RERE: variants seen among roughly 807,000 people sequenced by gnomAD.
The protein encoded by RERE is arginine-glutamic acid dipeptide repeats protein.
Under a neutral mutation model 146.1 loss-of-function variants are expected in RERE, and 40 were observed. The observed-to-expected ratio is 0.27, with a 90% CI of 0.21 to 0.36. The LOEUF (loss-of-function observed/expected upper bound fraction) is 0.36. RERE is among the 10% of genes least tolerant of loss of function. The pLI, the probability that RERE is intolerant of heterozygous loss-of-function variation, is 1.00. For missense variants in RERE, 1,933 were observed against 2,138.7 expected, an observed-to-expected ratio of 0.90 and a Z score of 1.90; for synonymous variants, 1,003 against 866.0, an observed-to-expected ratio of 1.16 and a Z score of -2.78.
At chr1:8,800,887 T>C (rs2124590065) in intron 1 of RERE, among the ~76,000 whole-genome samples, 1 of 152,054 alleles carries the variant, frequency 6.6e-6, no homozygotes, top group Non-Finnish European at 1.5e-5. Context: ...ACCACTTGAA[T>C]TTGGGAGCCG....
intron 1 of RERE, among the ~76,000 whole-genome samples, chr1:8,720,847 G>A (rs1348807875): frequency 6.6e-6 from 1 of 152,198 alleles, no homozygotes; most frequent in African/African-American, 2.4e-5. Flanking sequence ...CTTGAGGTCA[G>A]GAGTTTGAGA....
At chr1:8,504,663 C>G (rs1369701732) in intron 8 of RERE, among the ~76,000 whole-genome samples, 1 of 152,058 alleles carries the variant, frequency 6.6e-6, no homozygotes, top group Non-Finnish European at 1.5e-5. Context: ...ATCAGCCTGG[C>G]CAACATAGTG....
In RERE at chr1:8,364,212, A is replaced by G. The variant is rs753317741; in HGVS notation, c.1584T>C (p.Leu528=). ...WHHGGRENIL[L]CTDCRIHFKK... ...TGAAGTGGATGCGACAGTCGGTGCA[A>G]AGCAGGATGTTCTCCCGGCCTCCGT... Residue 528 remains leucine, a synonymous_variant, in exon 15 of 23, where the codon CTT becomes CTC. Transcript: ENST00000400908. The surrounding 1 kb of genome is among the most constrained non-coding windows in gnomAD (Gnocchi z 5.1). The G allele has an allele frequency of 6.2e-7, 1 of 1,614,108 alleles. No homozygotes were observed. The highest frequency in any genetic ancestry group is 1.1e-5 in the South Asian group (1 of 91,080).
intron 11 of RERE, among the ~76,000 whole-genome samples, chr1:8,440,387 C>A (rs1040472720): frequency 1.4e-5 from 2 of 145,734 alleles, no homozygotes; most frequent in Non-Finnish European, 3.0e-5. Flanking sequence ...GTTAGGAGAT[C>A]GAGACCATCC....
Position 8,419,560 on chromosome 1 carries a change from A to G in RERE, c.1284+3167T>C, listed in dbSNP as rs571177339. ...AGGTAACTTATTTTTATACAGGCTC[A>G]GTATATTTACAAGCAGAAAGGAATT... is the stretch of plus-strand genomic sequence containing the variant. On this transcript the variant is annotated intron_variant, in intron 12 of 22. Coordinates refer to ENST00000400908, the MANE Select transcript of RERE (RefSeq NM_001042681.2). Among the ~76,000 whole-genome samples, 18 of 152,362 alleles carry G rather than the reference A, an allele frequency of 1.2e-4. No individual in the cohort carries two copies. The East Asian group carries it at 2.9e-3, about 24-fold the overall frequency.
intron 7 of RERE, among the ~76,000 whole-genome samples, chr1:8,523,461 T>A (rs920061959): frequency 1.3e-5 from 2 of 152,166 alleles, no homozygotes; most frequent in African/African-American, 4.8e-5. Flanking sequence ...AGCAGAACCA[T>A]AAGCCAAAAT....
chr1:8,796,389 C>T (rs1641473712), intron 1 of RERE, among the ~76,000 whole-genome samples: 2 of 152,016 alleles, frequency 1.3e-5, no homozygotes, highest in African/African-American at 4.8e-5. Flanking sequence ...TTCAATCTCC[C>T]TATGAAAAGC....
At position 8,362,772 on chromosome 1, in the gene RERE, C is replaced by G; in HGVS notation, c.1813G>C (p.Asp605His). 1 of 1,614,160 alleles carries G rather than the reference C, an allele frequency of 6.2e-7. No individual in the cohort carries two copies. ...PDGRTSPINE[D>H]IRSSGRNSPS... ...GAGTTCCGGCCGCTGGAGCGGATGTCTTCATTGATGGGTGAGGTGCGACCA... is the reference window on the plus strand; with the variant it reads ...GAGTTCCGGCCGCTGGAGCGGATGTGTTCATTGATGGGTGAGGTGCGACCA... The change falls in exon 16 of 23, where the codon GAC becomes CAC. Residue 605 changes from aspartate (D) to histidine (H), a missense_variant. By Grantham distance (81) the Asp-to-His change is moderately conservative (BLOSUM62 -1). This residue lies in a region of RERE where 1,255 missense variants were observed against 1,153.8 expected (regional missense o/e 1.09). Coordinates refer to ENST00000400908, the MANE Select transcript of RERE (RefSeq NM_001042681.2).
intron 1 of RERE, among the ~76,000 whole-genome samples, chr1:8,774,346 T>C (rs982880055): frequency 1.7e-5 from 2 of 119,880 alleles, no homozygotes; most frequent in Non-Finnish European, 3.6e-5. Context: ...TTTGGCAAAC[T>C]ATTTTTTTTT....
intron 1 of RERE, among the ~76,000 whole-genome samples, chr1:8,784,930 T>G (rs528602594): frequency 6.6e-6 from 1 of 152,304 alleles, no homozygotes; most frequent in African/African-American, 2.4e-5. Flanking sequence ...GATGAGCTTA[T>G]GTCTCTACTG....
At chr1:8,630,212 G>T (rs1017958246) in intron 2 of RERE, among the ~76,000 whole-genome samples, 2 of 152,028 alleles carry the variant, frequency 1.3e-5, no homozygotes. Context: ...CTGAAATCCC[G>T]GTACCCAAAT....
chr1:8,722,105 T>C (rs186139895), intron 1 of RERE, among the ~76,000 whole-genome samples: 45 of 152,338 alleles, frequency 3.0e-4, no homozygotes, highest in African/African-American at 8.4e-4. Flanking sequence ...CTTACATTTA[T>C]TCTACTTCAT....
chr1:8,613,065 C>G (rs1375415002), intron 4 of RERE, among the ~76,000 whole-genome samples: 3 of 152,196 alleles, frequency 2.0e-5, no homozygotes, highest in Non-Finnish European at 4.4e-5. Flanking sequence ...AATATATCAT[C>G]TCTACTGTCT....
chr1:8,479,046 G>C (rs375137916), intron 10 of RERE, among the ~76,000 whole-genome samples: 3 of 152,068 alleles, frequency 2.0e-5, no homozygotes, highest in African/African-American at 4.8e-5. Flanking sequence ...GCCACTACTA[G>C]AAATATTTTT....
At chr1:8,816,263 TGAA>T (rs141967889) in intron 1 of RERE, among the ~76,000 whole-genome samples, 22,699 of 152,186 alleles carry the variant, frequency 0.15, 2,118 homozygotes, top group Middle Eastern at 0.22. Context: ...AAATTCGCTG[TGAA>T]GAAGGCTATT....
chr1:8,799,575 C>T (rs540243399), intron 1 of RERE: 1 of 152,558 alleles, frequency 6.6e-6, no homozygotes, highest in South Asian at 2.1e-4. Context: ...GGCATGGTGA[C>T]ATGCCCCTGT....
chr1:8,528,149 G>C (rs969713421), intron 7 of RERE, among the ~76,000 whole-genome samples: 1 of 152,124 alleles, frequency 6.6e-6, no homozygotes, highest in Non-Finnish European at 1.5e-5. Flanking sequence ...ACATAACCTA[G>C]ATCTAATCGT....
At chr1:8,398,442 CT>C (rs1643132267) in intron 12 of RERE, among the ~76,000 whole-genome samples, 2 of 152,244 alleles carry the variant, frequency 1.3e-5, no homozygotes, top group Non-Finnish European at 2.9e-5. Context: ...CAAGTCTCAG[CT>C]TCTTCCTGAC....
At chr1:8,524,238 TA>T (rs1204413513) in intron 7 of RERE, among the ~76,000 whole-genome samples, 1 of 152,036 alleles carries the variant, frequency 6.6e-6, no homozygotes, top group Non-Finnish European at 1.5e-5. Flanking sequence ...CTCACATGGG[TA>T]AAAAAATTGA....
Sources: allele counts gnomAD v4.1 joint callset (sites outside exome capture counted in the v4.1 genomes callset), GRCh38; gene constraint gnomAD v4.1.1; regional missense constraint gnomAD v4.1.1; non-coding constraint Gnocchi (gnomAD v3.1); transcripts MANE v1.5; gene names NCBI Gene and HGNC (gene_info 2026-07-23, HGNC 2026-07-21).